Variants in TCERG1 observed in about 807,000 individuals in gnomAD.
The protein encoded by TCERG1 is TATA box binding protein (TBP)-associated factor, RNA polymerase II, S, 150kD.
Under a neutral mutation model 144.7 loss-of-function variants are expected in TCERG1, and 37 were observed. The ratio of observed to expected loss-of-function variants is 0.26; its 90% confidence interval spans 0.20 to 0.34. The LOEUF (loss-of-function observed/expected upper bound fraction) is 0.34. TCERG1 is among the 10% of genes least tolerant of loss of function. The probability of loss-of-function intolerance (pLI) is 1.00; values close to 1 mark genes in which losing one functional copy is unlikely to be tolerated. For missense variants in TCERG1, 1,027 were observed against 1,380.7 expected, an observed-to-expected ratio of 0.74 and a Z score of 4.06; for synonymous variants, 492 against 458.2, an observed-to-expected ratio of 1.07 and a Z score of -0.94.
chr5:146,457,353 T>C lies in TCERG1; in HGVS notation c.438+18T>C, dbSNP rs1164171978. 1.9e-6 allele frequency: 3 copies of C among 1,590,672 alleles called. No individual in the cohort carries two copies. Among genetic ancestry groups the C allele is most frequent in the African/African-American group, 1.4e-5 (1 of 73,800 alleles). ...ATGGGAAGGTAAATAATAAAATATA[T>C]TTAAGTTGTCATTTGTTGACAGAGG... On this transcript the variant is annotated intron_variant, in intron 3 of 22. Transcript: ENST00000679501.
At chr5:146,483,315 TTAAG>T (rs1240234881) in intron 14 of TCERG1, among the ~76,000 whole-genome samples, 1 of 152,180 alleles carries the variant, frequency 6.6e-6, no homozygotes, top group African/African-American at 2.4e-5. Context: ...TAATGAGTAA[TTAAG>T]TGTCTGTTAT....
chr5:146,472,172 G>T (rs1376397120), intron 9 of TCERG1, among the ~76,000 whole-genome samples: 3 of 152,076 alleles, frequency 2.0e-5, no homozygotes, highest in Non-Finnish European at 2.9e-5. Flanking sequence ...GTTTTTGCAT[G>T]TTTACTCACT....
intron 16 of TCERG1, 141 bp downstream of exon 16, chr5:146,493,179 T>C (rs1766584104): frequency 1.7e-6 from 1 of 596,012 alleles, no homozygotes; most frequent in East Asian, 3.3e-5. Flanking sequence ...TGCCAAAATT[T>C]CTAATCTTTA....
chr5:146,482,855 C>T, intron 14 of TCERG1, 128 bp downstream of exon 14: 1 of 1,282,094 alleles, frequency 7.8e-7, no homozygotes, highest in Non-Finnish European at 1.0e-6. Context: ...TTTAAAATTA[C>T]TGTACATTTT....
chr5:146,486,449 A>T (rs919375978), intron 15 of TCERG1, among the ~76,000 whole-genome samples: 1 of 152,254 alleles, frequency 6.6e-6, no homozygotes, highest in African/African-American at 2.4e-5. Context: ...AACATTTTCC[A>T]TAAAAACTAG....
intron 22 of TCERG1, 79 bp downstream of exon 22, chr5:146,509,324 AT>A: frequency 1.1e-6 from 1 of 940,366 alleles, no homozygotes; most frequent in South Asian, 1.6e-5. Flanking sequence ...CATTCTTTGC[AT>A]TCACACACAT....
At position 146,463,519 on chromosome 5, in the gene TCERG1, GT is replaced by G. The variant is rs1357489583; in HGVS notation, c.893-31del. On this transcript the variant is annotated intron_variant, in intron 4 of 22. Transcript: ENST00000679501. Reference sequence around the variant, plus strand: ...ATATAGTAAAATGATTTATGAAGGAGTGATACATGTTTTTGTTTTATCTTTT... The same window carrying G: ...ATATAGTAAAATGATTTATGAAGGAGGATACATGTTTTTGTTTTATCTTTT... The G allele has an allele frequency of 2.5e-6, 4 of 1,612,886 alleles. 1 individual carries two copies. Among genetic ancestry groups the G allele is most frequent in the African/African-American group, 2.7e-5 (2 of 74,890 alleles).
chr5:146,447,488 C>T (rs1761960546), intron 1 of TCERG1, 80 bp downstream of exon 1: 8 of 1,522,828 alleles, frequency 5.3e-6, no homozygotes, highest in South Asian at 4.8e-5. Context: ...TGTGGAGATC[C>T]GGGGCGGACG....
intron 19 of TCERG1, among the ~76,000 whole-genome samples, chr5:146,505,068 C>A (rs535079811): frequency 7.1e-4 from 97 of 136,354 alleles, no homozygotes; most frequent in Non-Finnish European, 1.0e-3. Flanking sequence ...TACATTAACA[C>A]TAATGATAGC....
At chr5:146,463,852 G>C in intron 5 of TCERG1, 59 bp downstream of exon 5, 2 of 1,603,160 alleles carry the variant, frequency 1.2e-6, no homozygotes, top group Non-Finnish European at 1.7e-6. Context: ...CAGTTAGTTT[G>C]TTCTCATGTG....
rs1472809432 is a variant in TCERG1 at position 146,503,628 on chromosome 5, T to A, written c.2598+89T>A. On this transcript the variant is annotated intron_variant, in intron 18 of 22. Transcript: ENST00000679501. ...ATGTTGTTGTTGGGGATTTTTCTAT[T>A]GGGGGTTTGGATTTTTTCTTGTTAG... is the stretch of plus-strand genomic sequence containing the variant. The A allele has an allele frequency of 2.7e-6, 4 of 1,490,492 alleles. No individual in the cohort carries two copies. The African/African-American group carries it at 4.2e-5, about 16-fold the overall frequency. 92.3% of individuals were successfully genotyped at this position (1,490,492 alleles called of 1,614,324 possible). A position where few individuals can be genotyped will look rare whatever the true frequency, so the allele number is the denominator to read the frequency against.
intron 4 of TCERG1, among the ~76,000 whole-genome samples, 181 bp downstream of exon 4, chr5:146,459,518 G>T (rs80123379): frequency 0.018 from 2,782 of 152,272 alleles, 90 homozygotes; most frequent in African/African-American, 0.063. Flanking sequence ...ATTAACAGGA[G>T]AAATTATTTG....
At chr5:146,485,814 C>T (rs1433507844) in intron 15 of TCERG1, among the ~76,000 whole-genome samples, 1 of 152,160 alleles carries the variant, frequency 6.6e-6, no homozygotes, top group Non-Finnish European at 1.5e-5. Flanking sequence ...CCCACCTTAG[C>T]CTCCCAAGTA....
intron 7 of TCERG1, among the ~76,000 whole-genome samples, chr5:146,470,250 G>C (rs1269864071): frequency 1.3e-5 from 2 of 152,158 alleles, no homozygotes; most frequent in African/African-American, 4.8e-5. Flanking sequence ...CAATCCTTCT[G>C]CCTCAGCTTC....
At chr5:146,473,427 G>A (rs561944048) in intron 9 of TCERG1, among the ~76,000 whole-genome samples, 2 of 152,338 alleles carry the variant, frequency 1.3e-5, no homozygotes, top group South Asian at 2.1e-4. Flanking sequence ...ACGTGCTGAT[G>A]TAGAAGCTGT....
chr5:146,477,253 A>T (rs1764926676), intron 9 of TCERG1, among the ~76,000 whole-genome samples: 1 of 150,994 alleles, frequency 6.6e-6, no homozygotes, highest in African/African-American at 2.4e-5. Context: ...TATCTCAGGG[A>T]GGTATAGTTA....
chr5:146,501,581 T>TA (rs1767453585), intron 17 of TCERG1, among the ~76,000 whole-genome samples: 2 of 152,338 alleles, frequency 1.3e-5, no homozygotes, highest in Admixed American at 1.3e-4. Context: ...TTATTTAACA[T>TA]AAATTTTGTA....
chr5:146,489,505 T>G (rs1281311273), intron 15 of TCERG1, among the ~76,000 whole-genome samples: 1 of 152,186 alleles, frequency 6.6e-6, no homozygotes, highest in East Asian at 1.9e-4. Flanking sequence ...TCTGGGCCAC[T>G]GTTACTGAAT....
chr5:146,485,896 T>C (rs1047699028), intron 15 of TCERG1, among the ~76,000 whole-genome samples: 57 of 152,142 alleles, frequency 3.7e-4, no homozygotes, highest in African/African-American at 1.4e-3. Context: ...AGTTTCACCA[T>C]GCTGGCCAGG....
Sources: allele counts gnomAD v4.1 joint callset (sites outside exome capture counted in the v4.1 genomes callset), GRCh38; gene constraint gnomAD v4.1.1; transcripts MANE v1.5; gene names NCBI Gene and HGNC (gene_info 2026-07-23, HGNC 2026-07-21).